CSMD1: variants seen among roughly 807,000 people sequenced by gnomAD.
The protein encoded by CSMD1 is CUB and sushi domain-containing protein 1.
In CSMD1, 213 loss-of-function variants were observed where a neutral mutation model predicts 417.5. The ratio of observed to expected loss-of-function variants is 0.51; its 90% CI spans 0.46 to 0.57. The LOEUF is 0.57. Ranked by LOEUF, CSMD1 falls within the 20% of genes least tolerant of loss-of-function variation. The probability of loss-of-function intolerance (pLI) is 0.00; values close to 1 mark genes in which losing one functional copy is unlikely to be tolerated. For missense variants in CSMD1, 6,923 were observed against 4,529.7 expected, an observed-to-expected ratio of 1.53 and a Z score of -15.17; for synonymous variants, 2,862 against 1,736.8, an observed-to-expected ratio of 1.65 and a Z score of -16.11.
At chr8:4,346,055 G>A (rs1433332010) in intron 3 of CSMD1, among the ~76,000 whole-genome samples, 1 of 152,014 alleles carries the variant, frequency 6.6e-6, no homozygotes, top group African/African-American at 2.4e-5. Context: ...ATTGTTCATG[G>A]TCCATGTGCT....
intron 4 of CSMD1, among the ~76,000 whole-genome samples, chr8:4,020,870 C>A (rs977294584): frequency 1.3e-5 from 2 of 152,084 alleles, no homozygotes; most frequent in Admixed American, 6.5e-5. Flanking sequence ...TAAAAGGGAC[C>A]CTATTTTTGG....
intron 26 of CSMD1, among the ~76,000 whole-genome samples, chr8:3,241,720 C>T (rs765903500): frequency 1.2e-4 from 18 of 152,046 alleles, no homozygotes; most frequent in Non-Finnish European, 2.1e-4. Flanking sequence ...AACGCCTGGC[C>T]GCTGCGGTTC....
chr8:3,030,731 C>G (rs1042276142), intron 50 of CSMD1, among the ~76,000 whole-genome samples: 3 of 152,026 alleles, frequency 2.0e-5, no homozygotes, highest in Non-Finnish European at 2.9e-5. Context: ...GCGATCCACC[C>G]ACCTTGGCCT....
intron 3 of CSMD1, among the ~76,000 whole-genome samples, chr8:4,169,643 G>T (rs1403262259): frequency 6.6e-6 from 1 of 152,082 alleles, no homozygotes; most frequent in Non-Finnish European, 1.5e-5. Flanking sequence ...GCTGCTGCAG[G>T]GACGCCATGA....
intron 4 of CSMD1, among the ~76,000 whole-genome samples, chr8:4,015,733 T>G (rs997812272): frequency 6.7e-6 from 1 of 149,784 alleles, no homozygotes; most frequent in Non-Finnish European, 1.5e-5. Context: ...TGAAAAATAC[T>G]GACAATGTGT....
At chr8:4,515,929 C>T (rs1351746168) in intron 2 of CSMD1, among the ~76,000 whole-genome samples, 1 of 152,128 alleles carries the variant, frequency 6.6e-6, no homozygotes, top group South Asian at 2.1e-4. Flanking sequence ...GACTTGTAGC[C>T]ATTTAGAGCC....
intron 12 of CSMD1, among the ~76,000 whole-genome samples, chr8:3,415,954 A>G (rs1477522003): frequency 2.0e-5 from 3 of 148,548 alleles, no homozygotes; most frequent in Non-Finnish European, 3.1e-5. Flanking sequence ...TGGCACTTAC[A>G]ATGAGTAGCC....
At chr8:4,769,386 G>C (rs189173643) in intron 1 of CSMD1, among the ~76,000 whole-genome samples, 105 of 152,224 alleles carry the variant, frequency 6.9e-4, no homozygotes, top group African/African-American at 2.4e-3. Flanking sequence ...TGCATGAGGA[G>C]CAAACAAGTG....
chr8:4,943,327 C>G (rs1808145897), intron 1 of CSMD1, among the ~76,000 whole-genome samples: 1 of 151,876 alleles, frequency 6.6e-6, no homozygotes, highest in African/African-American at 2.4e-5. Flanking sequence ...AAACCCGTCT[C>G]TACTAAAATA....
chr8:4,239,691 G>C (rs562888044), intron 3 of CSMD1, among the ~76,000 whole-genome samples: 2 of 152,162 alleles, frequency 1.3e-5, no homozygotes, highest in Admixed American at 6.5e-5. Flanking sequence ...GCAGAACATC[G>C]CATTATGTTG....
intron 21 of CSMD1, among the ~76,000 whole-genome samples, chr8:3,353,246 A>T (rs1808531908): frequency 6.6e-6 from 1 of 152,174 alleles, no homozygotes; most frequent in Non-Finnish European, 1.5e-5. Context: ...CTATTTTACA[A>T]AATGTTCTTT....
At chr8:4,480,737 G>A (rs930715290) in intron 2 of CSMD1, among the ~76,000 whole-genome samples, 1 of 152,090 alleles carries the variant, frequency 6.6e-6, no homozygotes, top group Non-Finnish European at 1.5e-5. Flanking sequence ...CCACTTTTTT[G>A]AGGTTTCAAA....
chr8:3,658,247 G>A (rs935200399), intron 7 of CSMD1, among the ~76,000 whole-genome samples: 1 of 151,970 alleles, frequency 6.6e-6, no homozygotes, highest in Non-Finnish European at 1.5e-5. Flanking sequence ...CATGGAATAG[G>A]CATGGGAGTG....
At chr8:3,300,368 T>G (rs1400309194) in intron 25 of CSMD1, among the ~76,000 whole-genome samples, 2 of 152,118 alleles carry the variant, frequency 1.3e-5, no homozygotes, top group Non-Finnish European at 2.9e-5. Context: ...GGGGTTTTTT[T>G]TTCTGCAGCA....
intron 1 of CSMD1, among the ~76,000 whole-genome samples, chr8:4,829,796 T>C (rs1402078552): frequency 1.3e-5 from 2 of 150,954 alleles, no homozygotes; most frequent in Non-Finnish European, 2.9e-5. Context: ...CCCACCTAGT[T>C]AATGGTCTAA....
chr8:4,467,202 A>C (rs1218511336), intron 2 of CSMD1, among the ~76,000 whole-genome samples: 2 of 152,160 alleles, frequency 1.3e-5, no homozygotes, highest in Admixed American at 1.3e-4. Context: ...AAAGTCCTTA[A>C]CAGTTTCCTT....
Position 4,063,040 on chromosome 8 carries a change from T to A in CSMD1, c.416-30941A>T, listed in dbSNP as rs557014684. Among the ~76,000 whole-genome samples, 3 of 152,274 alleles carry A rather than the reference T, an allele frequency of 2.0e-5. No individual in the cohort carries two copies. The Middle Eastern group carries it at 0.01, about 521-fold the overall frequency. On this transcript the variant is annotated intron_variant, in intron 3 of 69. Coordinates refer to ENST00000635120, the MANE Select transcript of CSMD1 (RefSeq NM_033225.6). Reference sequence around the variant, plus strand: ...TAGTTACATAATTTAGGAAGAAACGTTGGCTAATAGGGATAAATATATGAG... The same window carrying A: ...TAGTTACATAATTTAGGAAGAAACGATGGCTAATAGGGATAAATATATGAG...
At chr8:4,610,669 G>C (rs1450376495) in intron 2 of CSMD1, among the ~76,000 whole-genome samples, 1 of 152,126 alleles carries the variant, frequency 6.6e-6, no homozygotes, top group African/African-American at 2.4e-5. Context: ...TTCATCCCAT[G>C]AATTAGTTTG....
intron 3 of CSMD1, among the ~76,000 whole-genome samples, chr8:4,268,339 C>G (rs1171988769): frequency 2.0e-5 from 3 of 152,070 alleles, no homozygotes; most frequent in Admixed American, 1.3e-4. Flanking sequence ...TAATTAGATT[C>G]TTTTTGACTA....
Sources: allele counts gnomAD v4.1 joint callset (sites outside exome capture counted in the v4.1 genomes callset), GRCh38; gene constraint gnomAD v4.1.1; transcripts MANE v1.5; gene names NCBI Gene and HGNC (gene_info 2026-07-23, HGNC 2026-07-21).